Variants in DENND2A observed in about 807,000 individuals in gnomAD.
DENND2A encodes the protein DENN domain-containing protein 2A.
A neutral mutation model predicts 105.3 loss-of-function variants in DENND2A; 53 were observed. That is an observed-to-expected ratio of 0.50 (90% confidence interval 0.40 to 0.63). The LOEUF (loss-of-function observed/expected upper bound fraction) is 0.63. Among genes scored for constraint, DENND2A ranks in the 30% least tolerant of loss-of-function variants. The pLI is 0.00. For synonymous variants in DENND2A, 522 were observed against 508.4 expected (o/e 1.03, Z -0.36); for missense variants, 1,138 against 1,279.6 (o/e 0.89, Z 1.69).
chr7:140,569,815 T>C (rs1798016724), intron 6 of DENND2A, 77 bp from the exon 7 acceptor site: 3 of 1,011,876 alleles, frequency 3.0e-6, no homozygotes, highest in Non-Finnish European at 4.7e-6. Flanking sequence ...TCACTGCCCC[T>C]CTCCTAGGAC....
At chr7:140,565,924 C>T (rs573832750) in intron 9 of DENND2A, among the ~76,000 whole-genome samples, 8 of 152,266 alleles carry the variant, frequency 5.3e-5, no homozygotes, top group Admixed American at 1.3e-4. Context: ...AGTTTACAGA[C>T]GCCATGGCAA....
At chr7:140,569,942 T>G (rs1798025964) in intron 6 of DENND2A, among the ~76,000 whole-genome samples, 1 of 152,108 alleles carries the variant, frequency 6.6e-6, no homozygotes, top group Non-Finnish European at 1.5e-5. Flanking sequence ...TCGACCAGAC[T>G]GGGGTGCAAT....
intron 6 of DENND2A, among the ~76,000 whole-genome samples, chr7:140,571,989 T>G (rs1798110770): frequency 6.6e-6 from 1 of 151,538 alleles, no homozygotes; most frequent in Non-Finnish European, 1.5e-5. Flanking sequence ...CATCTCTCTC[T>G]CTCTCTCTCT....
chr7:140,523,268 G>A lies in DENND2A; in HGVS notation c.2665+39C>T, dbSNP rs1274649642. 6.3e-7 allele frequency: 1 copy of A among 1,596,936 alleles called. No homozygotes were observed. Among genetic ancestry groups the A allele is most frequent in the Non-Finnish European group, 8.6e-7 (1 of 1,164,310 alleles). On this transcript the variant is annotated intron_variant, in intron 17 of 19. Coordinates refer to ENST00000496613, the MANE Select transcript of DENND2A (RefSeq NM_015689.5). This position sits in a 1 kb window ranked among gnomAD's most constrained non-coding sequence, Gnocchi z 4.5. ...CCATTTGTTCCCTGACCCTCAGAGTGGAAGGGAGAGACCCACTGGGAGGTG... is the reference window on the plus strand; with the variant it reads ...CCATTTGTTCCCTGACCCTCAGAGTAGAAGGGAGAGACCCACTGGGAGGTG...
chr7:140,637,123 T>A (rs1800968495), intron 1 of DENND2A, among the ~76,000 whole-genome samples: 1 of 149,378 alleles, frequency 6.7e-6, no homozygotes, highest in South Asian at 2.1e-4. Context: ...GCGTTGGGAT[T>A]ACAGGCGTAG....
intron 14 of DENND2A, among the ~76,000 whole-genome samples, chr7:140,534,586 C>G (rs1489975432): frequency 6.6e-6 from 1 of 152,144 alleles, no homozygotes; most frequent in African/African-American, 2.4e-5. Flanking sequence ...GCCCGAGGAG[C>G]CCTCAAGGAG....
chr7:140,579,906 T>C (rs927747554), intron 5 of DENND2A, among the ~76,000 whole-genome samples: 4 of 151,962 alleles, frequency 2.6e-5, no homozygotes, highest in Non-Finnish European at 4.4e-5. Context: ...CAAAGGTGGG[T>C]GGATCACCTG....
chr7:140,568,249 G>A (rs1274581147), intron 8 of DENND2A, among the ~76,000 whole-genome samples: 1 of 152,098 alleles, frequency 6.6e-6, no homozygotes, highest in Non-Finnish European at 1.5e-5. Flanking sequence ...CCCTGGACTT[G>A]CTTTCTTTGG....
intron 1 of DENND2A, among the ~76,000 whole-genome samples, chr7:140,606,517 C>T (rs1196866898): frequency 6.6e-6 from 1 of 152,174 alleles, no homozygotes; most frequent in Admixed American, 6.5e-5. Context: ...TGACACAAGA[C>T]ATAAACCACA....
At chr7:140,637,248 C>T (rs187559029) in intron 1 of DENND2A, among the ~76,000 whole-genome samples, 1 of 152,134 alleles carries the variant, frequency 6.6e-6, no homozygotes, top group African/African-American at 2.4e-5. Flanking sequence ...CTAATGCACA[C>T]CCCAAGATTA....
chr7:140,541,696 G>C (rs141682355), intron 14 of DENND2A, among the ~76,000 whole-genome samples: 4 of 152,338 alleles, frequency 2.6e-5, no homozygotes, highest in African/African-American at 7.2e-5. Flanking sequence ...AGCTTGGAGA[G>C]CTCCTCAGCG....
intron 14 of DENND2A, among the ~76,000 whole-genome samples, chr7:140,529,887 A>G (rs1008773782): frequency 2.6e-5 from 4 of 152,142 alleles, no homozygotes; most frequent in African/African-American, 9.7e-5. Context: ...GCACATGTAT[A>G]CGTATGTAAC....
intron 3 of DENND2A, among the ~76,000 whole-genome samples, chr7:140,596,780 G>C (rs1426232988): frequency 1.3e-5 from 2 of 152,210 alleles, no homozygotes; most frequent in African/African-American, 4.8e-5. Context: ...CTGAATTCCA[G>C]TTAAGACATT....
At chr7:140,532,140 C>T (rs1366861296) in intron 14 of DENND2A, among the ~76,000 whole-genome samples, 5 of 152,004 alleles carry the variant, frequency 3.3e-5, no homozygotes, top group Non-Finnish European at 2.9e-5. Context: ...TGGCGGGTGC[C>T]TGTAGTCCCA....
At chr7:140,622,076 G>A (rs1034636210) in intron 1 of DENND2A, among the ~76,000 whole-genome samples, 1 of 152,144 alleles carries the variant, frequency 6.6e-6, no homozygotes, top group Non-Finnish European at 1.5e-5. Flanking sequence ...TTGCCAAGAT[G>A]ATACCAGAAG....
chr7:140,627,755 G>A (rs1322987842), intron 1 of DENND2A, among the ~76,000 whole-genome samples: 1 of 151,734 alleles, frequency 6.6e-6, no homozygotes, highest in African/African-American at 2.4e-5. Context: ...TCTAACTCCT[G>A]GGCTCATGCA....
chr7:140,557,202 C>T (rs923839801), intron 11 of DENND2A, among the ~76,000 whole-genome samples: 1 of 151,746 alleles, frequency 6.6e-6, no homozygotes, highest in African/African-American at 2.4e-5. Flanking sequence ...CCCAAGAGTT[C>T]GAGACCAGCC....
upstream of DENND2A, among the ~76,000 whole-genome samples, chr7:140,641,122 G>T (rs1445647621): frequency 6.6e-6 from 1 of 151,844 alleles, no homozygotes; most frequent in African/African-American, 2.4e-5. Flanking sequence ...AACGGCGGCC[G>T]CGTGCCCGGC....
Position 140,605,810 on chromosome 7 carries a change from G to A in DENND2A, c.-247-4C>T, listed in dbSNP as rs1585742589. On this transcript the variant is annotated splice_region_variant and splice_polypyrimidine_tract_variant and intron_variant, in intron 1 of 19. Transcript: ENST00000496613. The stretch of plus-strand genomic sequence containing the variant: ...ACCGAGGGGAGTTCCAGGTCACCTG[G>A]GGGGACAGGGATGCACACCCAGTGA... 6.6e-6 allele frequency: 1 copy of A among 152,436 alleles called. No homozygotes were observed. Among genetic ancestry groups the A allele is most frequent in the East Asian group, 1.9e-4 (1 of 5,186 alleles). 9.4% of individuals were successfully genotyped at this position (152,436 alleles called of 1,614,324 possible). A position where few individuals can be genotyped will look rare whatever the true frequency, so the allele number is the denominator to read the frequency against.
Sources: gnomAD v4.1 joint callset for allele counts (sites outside exome capture counted in the v4.1 genomes callset) on GRCh38, gnomAD v4.1.1 for gene constraint, Gnocchi (gnomAD v3.1) non-coding constraint, MANE v1.5 for transcripts, NCBI Gene and HGNC (gene_info 2026-07-23, HGNC 2026-07-21) for gene names.